The following PLXDC2 variants were observed in gnomAD, a reference collection of about 807,000 sequenced individuals.
PLXDC2 encodes the protein plexin domain containing 2, also known as plexin domain-containing protein 2.
A neutral mutation model predicts 68.9 loss-of-function variants in PLXDC2; 40 were observed. The observed-to-expected ratio is 0.58, with a 90% CI of 0.45 to 0.76. The LOEUF is 0.76. Among genes scored for constraint, PLXDC2 ranks in the 30% least tolerant of loss-of-function variants. The pLI, the probability that PLXDC2 is intolerant of heterozygous loss-of-function variation, is 0.00. For synonymous variants in PLXDC2, 243 were observed against 234.2 expected (o/e 1.04, Z -0.34); for missense variants, 644 against 661.9 (o/e 0.97, Z 0.30).
At chr10:20,247,032 G>A (rs1183969151) in intron 13 of PLXDC2, among the ~76,000 whole-genome samples, 1 of 152,066 alleles carries the variant, frequency 6.6e-6, no homozygotes, top group African/African-American at 2.4e-5. Flanking sequence ...TCAATCTTAT[G>A]TGTCATTTCA....
intron 1 of PLXDC2, among the ~76,000 whole-genome samples, chr10:19,984,837 T>C (rs1013835940): frequency 9.8e-5 from 15 of 152,306 alleles, no homozygotes; most frequent in Middle Eastern, 3.4e-3. Flanking sequence ...TTTAGTGCAT[T>C]CTGAAGTTTG....
At chr10:20,180,501 A>G (rs1053811078) in intron 9 of PLXDC2, among the ~76,000 whole-genome samples, 5 of 151,976 alleles carry the variant, frequency 3.3e-5, no homozygotes, top group Non-Finnish European at 7.4e-5. Context: ...GCTTTTATGA[A>G]CAAATTCAAC....
At chr10:20,091,398 T>C (rs968243068) in intron 4 of PLXDC2, among the ~76,000 whole-genome samples, 1 of 152,228 alleles carries the variant, frequency 6.6e-6, no homozygotes, top group Non-Finnish European at 1.5e-5. Flanking sequence ...CTTCCTCTAA[T>C]GCAAAATGTT....
At chr10:19,826,918 A>G (rs1836583588) in intron 1 of PLXDC2, among the ~76,000 whole-genome samples, 1 of 152,202 alleles carries the variant, frequency 6.6e-6, no homozygotes, top group African/African-American at 2.4e-5. Flanking sequence ...TGAGTTGTGT[A>G]ATAAATCACA....
chr10:19,957,729 C>G (rs1834094040), intron 1 of PLXDC2, among the ~76,000 whole-genome samples: 1 of 152,154 alleles, frequency 6.6e-6, no homozygotes, highest in African/African-American at 2.4e-5. Flanking sequence ...AGTAAAAATT[C>G]GACCATATGT....
At chr10:20,085,793 A>C (rs7073565) in intron 4 of PLXDC2, among the ~76,000 whole-genome samples, 1 of 151,932 alleles carries the variant, frequency 6.6e-6, no homozygotes, top group African/African-American at 2.4e-5. Context: ...ACAGAAACAA[A>C]ATGCACTTTA....
chr10:19,844,757 G>A (rs558531637), intron 1 of PLXDC2, among the ~76,000 whole-genome samples: 1 of 151,970 alleles, frequency 6.6e-6, no homozygotes, highest in Admixed American at 6.6e-5. Context: ...CACTACACCT[G>A]GCTAATATTT....
At chr10:20,016,062 G>C (rs1835204542) in intron 2 of PLXDC2, among the ~76,000 whole-genome samples, 1 of 152,128 alleles carries the variant, frequency 6.6e-6, no homozygotes, top group Admixed American at 6.5e-5. Flanking sequence ...TCAAGGTTTG[G>C]AAAATTAAAC....
At chr10:19,980,065 C>T (rs1333017610) in intron 1 of PLXDC2, among the ~76,000 whole-genome samples, 1 of 152,146 alleles carries the variant, frequency 6.6e-6, no homozygotes, top group Admixed American at 6.5e-5. Flanking sequence ...TTTCATAGAG[C>T]CTCTGACTTC....
rs1564308492 is a variant in PLXDC2, at chr10:20,082,057, A to AC, written c.541+13818_541+13819insC. 1.5e-4 allele frequency among the ~76,000 whole-genome samples: 21 copies of AC among 141,852 alleles called. 1 individual carries two copies. The highest frequency in any genetic ancestry group is 2.4e-4 in the Non-Finnish European group (16 of 65,978). 93.1% of individuals were successfully genotyped at this position (141,852 alleles called of 152,430 possible). ...TGAAACTCCATCTGAAAAAAAAAAA[A>AC]AAAAATCAAAAAAAAAAAACAGGAG... On this transcript the variant is annotated intron_variant, in intron 4 of 13. Transcript: ENST00000377252.
chr10:19,845,358 G>A (rs544831146), intron 1 of PLXDC2, among the ~76,000 whole-genome samples: 1 of 152,248 alleles, frequency 6.6e-6, no homozygotes, highest in Admixed American at 6.5e-5. Context: ...GTAATTTATC[G>A]CAAGCAGGAG....
At chr10:20,041,639 C>T (rs1366072880) in intron 2 of PLXDC2, among the ~76,000 whole-genome samples, 1 of 151,904 alleles carries the variant, frequency 6.6e-6, no homozygotes, top group African/African-American at 2.4e-5. Context: ...TTTTCCCCTG[C>T]AATTTATGTG....
chr10:19,994,148 C>T (rs1166758568), intron 1 of PLXDC2, among the ~76,000 whole-genome samples: 1 of 151,722 alleles, frequency 6.6e-6, no homozygotes, highest in African/African-American at 2.4e-5. Flanking sequence ...TGATGAACTG[C>T]AATCATAAGT....
chr10:20,063,698 A>G (rs1278688736), intron 3 of PLXDC2, among the ~76,000 whole-genome samples: 5 of 152,192 alleles, frequency 3.3e-5, no homozygotes, highest in African/African-American at 7.2e-5. Context: ...TCAGAAATCT[A>G]GGAGTATGAC....
chr10:20,277,880 C>G (rs1204221564), intron 13 of PLXDC2, among the ~76,000 whole-genome samples: 1 of 152,156 alleles, frequency 6.6e-6, no homozygotes, highest in Non-Finnish European at 1.5e-5. Context: ...TCCTTCTACT[C>G]TATCTCCATG....
intron 13 of PLXDC2, among the ~76,000 whole-genome samples, chr10:20,270,821 C>T (rs958806261): frequency 3.3e-5 from 5 of 151,698 alleles, no homozygotes; most frequent in Non-Finnish European, 5.9e-5. Flanking sequence ...CGTGCCCTGC[C>T]GAAATTGAAT....
chr10:19,908,217 A>G (rs948086592), intron 1 of PLXDC2, among the ~76,000 whole-genome samples: 5 of 152,210 alleles, frequency 3.3e-5, no homozygotes, highest in African/African-American at 1.2e-4. Context: ...AAGTTTAAAA[A>G]TCTTTCACTA....
At chr10:20,115,191 G>A (rs1833606424) in intron 4 of PLXDC2, among the ~76,000 whole-genome samples, 1 of 152,166 alleles carries the variant, frequency 6.6e-6, no homozygotes, top group South Asian at 2.1e-4. Flanking sequence ...CCCAGGAGGA[G>A]TGTTCATGTC....
chr10:20,068,215 C>T lies in PLXDC2; in HGVS notation c.517C>T (p.Arg173Cys), dbSNP rs577592202. ...FDFPFYGHFLREITVATGGFI... is the reference protein window; with the variant it reads ...FDFPFYGHFLCEITVATGGFI... ...TTTTCCATTTTATGGCCACTTCCTA[C>T]GTGAAATCACTGTGGCAACCGGGGG... The change falls in exon 4 of 14, where the codon CGT becomes TGT. Residue 173 changes from arginine (R) to cysteine (C), a missense_variant. By Grantham distance (180) the Arg-to-Cys change is radical. This residue lies in a region of PLXDC2 where 113 missense variants were observed against 167.1 expected (regional missense o/e 0.68). Coordinates refer to ENST00000377252, the MANE Select transcript of PLXDC2 (RefSeq NM_032812.9). The T allele has an allele frequency of 6.2e-7, 1 of 1,613,064 alleles. No individual in the cohort carries two copies. The highest frequency in any genetic ancestry group is 1.1e-5 in the South Asian group (1 of 91,010).
Sources: gnomAD v4.1 joint callset for allele counts (sites outside exome capture counted in the v4.1 genomes callset) on GRCh38, gnomAD v4.1.1 for gene constraint, gnomAD v4.1.1 regional missense constraint, MANE v1.5 for transcripts, NCBI Gene and HGNC (gene_info 2026-07-23, HGNC 2026-07-21) for gene names.